Variants in PCDHGB1 observed in about 807,000 individuals in gnomAD.
PCDHGB1 encodes the protein protocadherin gamma-B1.
PCDHGB1 carries 34 observed loss-of-function variants against 56.6 expected under a neutral mutation model. The observed-to-expected ratio is 0.60, with a 90% confidence interval of 0.46 to 0.80. The LOEUF (loss-of-function observed/expected upper bound fraction) is 0.80, where lower values mean the gene tolerates loss of function less well. Ranked by LOEUF, PCDHGB1 falls within the 30% of genes least tolerant of loss-of-function variation. The probability of loss-of-function intolerance (pLI) is 0.00; values close to 1 mark genes in which losing one functional copy is unlikely to be tolerated. For synonymous variants in PCDHGB1, 561 were observed against 505.9 expected, an observed-to-expected ratio of 1.11 and a Z score of -1.46; for missense variants, 1,278 against 1,204.6, an observed-to-expected ratio of 1.06 and a Z score of -0.90.
In PCDHGB1 at chr5:141,352,565, G is replaced by C. The variant is rs1190505525; in HGVS notation, c.2305G>C (p.Glu769Gln). Residue 769 changes from glutamate to glutamine, a missense_variant, in exon 1 of 4, where the codon GAA becomes CAA. Glu to Gln is a conservative substitution (Grantham distance 29). Transcript: ENST00000523390. ...TEFNSLNLTP[E>Q]MAPPQDLLCD... ...GTTTAATTCTCTCAACCTGACACCG[G>C]AAATGGCTCCCCCTCAGGATCTGCT... is the stretch of plus-strand genomic sequence containing the variant. 1 of 1,613,802 alleles carries C rather than the reference G, an allele frequency of 6.2e-7. No homozygotes were observed. The highest frequency in any genetic ancestry group is 1.3e-5 in the African/African-American group (1 of 74,910).
chr5:141,376,457 C>T (rs945491393), intron 1 of PCDHGB1: 1 of 1,614,214 alleles, frequency 6.2e-7, no homozygotes, highest in Non-Finnish European at 8.5e-7. Context: ...CGAGCCTCTT[C>T]TGATAACTCA....
At chr5:141,421,489 G>T (rs754141447) in intron 1 of PCDHGB1, 9 of 1,614,094 alleles carry the variant, frequency 5.6e-6, no homozygotes, top group Non-Finnish European at 7.6e-6. Context: ...CTTGATCACG[G>T]CAGGCAGGAT....
chr5:141,394,749 G>A (rs1270810324), intron 1 of PCDHGB1: 2 of 1,613,424 alleles, frequency 1.2e-6, no homozygotes, highest in Non-Finnish European at 8.5e-7. Flanking sequence ...CGTGGTGGCC[G>A]TCCAGGACCA....
At chr5:141,437,197 G>A (rs535640562) in intron 1 of PCDHGB1, among the ~76,000 whole-genome samples, 69 of 152,330 alleles carry the variant, frequency 4.5e-4, no homozygotes, top group Non-Finnish European at 7.8e-4. Flanking sequence ...GGGTTTGGAT[G>A]TGTTTACATT....
chr5:141,434,564 A>C (rs2097703207), intron 1 of PCDHGB1, among the ~76,000 whole-genome samples: 1 of 152,228 alleles, frequency 6.6e-6, no homozygotes, highest in Admixed American at 6.5e-5. Context: ...CCTTAAGGAC[A>C]TGCCCCTGCT....
rs111458813 is a variant in PCDHGB1 at position 141,483,648 on chromosome 5, TTG to T, written c.2410-11139_2410-11138del. Among the ~76,000 whole-genome samples, 82 of 149,502 alleles carry T rather than the reference TTG, an allele frequency of 5.5e-4. 1 individual carries two copies. The highest frequency in any genetic ancestry group is 2.5e-3 in the Admixed American group (37 of 14,990). Reference sequence around the variant, plus strand: ...GGAGAAGGTATAGAGGGGTGTGTGTTTGTGTGTGTGTGTGTGTGTGTAAAAGA... The same window carrying T: ...GGAGAAGGTATAGAGGGGTGTGTGTTTGTGTGTGTGTGTGTGTGTAAAAGA... On this transcript the variant is annotated intron_variant, in intron 1 of 3. Transcript: ENST00000523390.
intron 1 of PCDHGB1, chr5:141,415,906 A>C (rs2154546200): frequency 1.3e-6 from 1 of 784,990 alleles, no homozygotes; most frequent in East Asian, 3.5e-5. Context: ...ACAGACTTCC[A>C]TACAGAAGTG....
chr5:141,373,373 C>T (rs1171696467), intron 1 of PCDHGB1, among the ~76,000 whole-genome samples: 1 of 152,142 alleles, frequency 6.6e-6, no homozygotes, highest in East Asian at 1.9e-4. Flanking sequence ...TGAATTGGTT[C>T]AAAATGTGTT....
At chr5:141,399,922 T>C in intron 1 of PCDHGB1, 1 of 1,612,334 alleles carries the variant, frequency 6.2e-7, no homozygotes, top group African/African-American at 1.3e-5. Flanking sequence ...ACACAACGCC[T>C]GGCTGTCCTA....
chr5:141,356,033 C>A (rs766818568), intron 1 of PCDHGB1: 1 of 1,613,946 alleles, frequency 6.2e-7, no homozygotes, highest in Non-Finnish European at 8.5e-7. Context: ...GGAGACGTGA[C>A]GTATTCTTTC....
At chr5:141,458,988 C>T (rs996478276) in intron 1 of PCDHGB1, among the ~76,000 whole-genome samples, 1 of 152,208 alleles carries the variant, frequency 6.6e-6, no homozygotes, top group South Asian at 2.1e-4. Context: ...CTGCCTCACC[C>T]TCCCAAAGTG....
rs768847018 is a variant in PCDHGB1 at position 141,431,426 on chromosome 5, A to C, written c.2410-63381A>C. On this transcript the variant is annotated intron_variant, in intron 1 of 3. Transcript: ENST00000523390. The surrounding 1 kb of genome is among the most constrained non-coding windows in gnomAD (Gnocchi z 4.8). ...CTCCGACGGGGGCGACCCGGTGCGCACAGGCACCGCGCGCATCCGCGTGAT... is the reference window on the plus strand; with the variant it reads ...CTCCGACGGGGGCGACCCGGTGCGCCCAGGCACCGCGCGCATCCGCGTGAT... 6.2e-7 allele frequency: 1 copy of C among 1,613,666 alleles called. No individual in the cohort carries two copies. The highest frequency in any genetic ancestry group is 1.1e-5 in the South Asian group (1 of 91,078).
chr5:141,418,081 C>T lies in PCDHGB1; in HGVS notation c.2409+65412C>T, dbSNP rs190197904. On this transcript the variant is annotated intron_variant, in intron 1 of 3. Transcript: ENST00000523390. Reference sequence around the variant, plus strand: ...TGCGAGTGAGCGCGGAGAAGCTGCACTTCAGCGTAGACGCGCAGAGCGGGG... The same window carrying T: ...TGCGAGTGAGCGCGGAGAAGCTGCATTTCAGCGTAGACGCGCAGAGCGGGG... 331 of 1,614,072 alleles carry T rather than the reference C, an allele frequency of 2.1e-4. 3 individuals are homozygous for T. The African/African-American group carries it at 4.0e-3, about 19-fold the overall frequency.
chr5:141,355,044 C>A, intron 1 of PCDHGB1: 1 of 1,132,086 alleles, frequency 8.8e-7, no homozygotes, highest in Non-Finnish European at 1.2e-6. Flanking sequence ...TTCTGCAGCA[C>A]AAAGCACTGG....
At chr5:141,468,382 G>T (rs1247387630) in intron 1 of PCDHGB1, 1 of 151,194 alleles carries the variant, frequency 6.6e-6, no homozygotes, top group Non-Finnish European at 1.5e-5. Context: ...GCCATACAAG[G>T]CTACCCATTT....
chr5:141,408,358 G>C, intron 1 of PCDHGB1: 1 of 1,613,952 alleles, frequency 6.2e-7, no homozygotes, highest in South Asian at 1.1e-5. Context: ...ACCTCGCTAA[G>C]GATCTAGGGC....
At chr5:141,433,264 G>T in intron 1 of PCDHGB1, 1 of 1,314,872 alleles carries the variant, frequency 7.6e-7, no homozygotes, top group South Asian at 1.4e-5. Flanking sequence ...TACGATCATA[G>T]CTCACTGCAG....
In PCDHGB1 at chr5:141,511,028, T is replaced by G. The variant is rs1279056657; in HGVS notation, c.2639T>G (p.Leu880Arg). The G allele has an allele frequency of 3.7e-6, 6 of 1,614,084 alleles. No individual in the cohort carries two copies. The highest frequency in any genetic ancestry group is 1.7e-5 in the Admixed American group (1 of 60,004). ...LSARYGPQFT[L>R]QHVPDYRQNV... is the part of the protein sequence containing the mutation. The stretch of plus-strand genomic sequence containing the variant: ...GCCCGCTACGGACCCCAGTTCACCC[T>G]GCAGCACGTGCCCGACTACCGCCAG... Residue 880 changes from leucine to arginine, a missense_variant, in exon 4 of 4, where the codon CTG becomes CGG. Physicochemically the swap from Leu to Arg is moderately radical, Grantham distance 102. Transcript: ENST00000523390.
rs572603287 is a variant in PCDHGB1 at position 141,477,037 on chromosome 5, G to T, written c.2410-17770G>T. 19 of 1,614,266 alleles carry T rather than the reference G, an allele frequency of 1.2e-5. No homozygotes were observed. In the East Asian group the frequency reaches 3.8e-4, roughly 32 times the overall value. Reference sequence around the variant, plus strand: ...TTGTAACCGGGATGCTGACAATCAAGGGTCGGCTGGACTTCGAGGACACCA... The same window carrying T: ...TTGTAACCGGGATGCTGACAATCAATGGTCGGCTGGACTTCGAGGACACCA... On this transcript the variant is annotated intron_variant, in intron 1 of 3. Transcript: ENST00000523390. The surrounding 1 kb of genome is among the most constrained non-coding windows in gnomAD (Gnocchi z 4.9).
Sources: allele counts gnomAD v4.1 joint callset (sites outside exome capture counted in the v4.1 genomes callset), GRCh38; gene constraint gnomAD v4.1.1; non-coding constraint Gnocchi (gnomAD v3.1); transcripts MANE v1.5; gene names NCBI Gene and HGNC (gene_info 2026-07-23, HGNC 2026-07-21).